Variants in DRC9 observed in about 807,000 individuals in gnomAD.
DRC9 encodes the protein dynein regulatory complex subunit 9.
the DRC9 span, among the ~76,000 whole-genome samples, chr3:197,916,996 A>G: frequency 6.6e-6 from 1 of 152,208 alleles, no homozygotes; most frequent in Non-Finnish European, 1.5e-5. Flanking sequence ...TGCGGGCTAC[A>G]GGTTGGACAA....
the DRC9 span, chr3:197,954,069 C>G: frequency 6.2e-7 from 1 of 1,614,090 alleles, no homozygotes; most frequent in Admixed American, 1.7e-5. Flanking sequence ...TAACTCGGGC[C>G]CATGGAAACA....
chr3:197,954,520 GT>G, the DRC9 span: 2 of 331,436 alleles, frequency 6.0e-6, no homozygotes, highest in Non-Finnish European at 1.2e-5. Flanking sequence ...TTTTTGTTGT[GT>G]TTTTTTGAGA....
At chr3:197,898,150 G>A in the DRC9 span, among the ~76,000 whole-genome samples, 482 of 151,992 alleles carry the variant, frequency 3.2e-3, 5 homozygotes, top group African/African-American at 0.011. Flanking sequence ...CTCCAGTGAC[G>A]GGGCTGTTGT....
the DRC9 span, among the ~76,000 whole-genome samples, chr3:197,946,367 A>G: frequency 4.8e-3 from 721 of 148,904 alleles, 11 homozygotes; most frequent in African/African-American, 0.017. Flanking sequence ...CCTGGGAGGC[A>G]GAGCTTGCAG....
chr3:197,955,521 C>G, the DRC9 span, among the ~76,000 whole-genome samples: 1 of 152,112 alleles, frequency 6.6e-6, no homozygotes, highest in Non-Finnish European at 1.5e-5. Flanking sequence ...CTAGGCCTCC[C>G]AAAGTGATGG....
chr3:197,907,937 T>C, the DRC9 span, among the ~76,000 whole-genome samples: 172 of 148,576 alleles, frequency 1.2e-3, 1 homozygote, highest in Non-Finnish European at 2.0e-3. Context: ...TCCTCCCAGA[T>C]GAAGTTATCA....
chr3:197,899,991 A>G, the DRC9 span, among the ~76,000 whole-genome samples: 2 of 152,226 alleles, frequency 1.3e-5, no homozygotes, highest in East Asian at 3.9e-4. Flanking sequence ...TGAGATGTGC[A>G]TTGAACTCAG....
At chr3:197,919,071 G>A in the DRC9 span, among the ~76,000 whole-genome samples, 1 of 152,168 alleles carries the variant, frequency 6.6e-6, no homozygotes, top group Non-Finnish European at 1.5e-5. Context: ...GCCTCCCAAA[G>A]TGCTGGGATT....
the DRC9 span, chr3:197,912,775 C>G: frequency 1.3e-6 from 2 of 1,579,772 alleles, no homozygotes; most frequent in South Asian, 2.2e-5. Context: ...GATACCAGTA[C>G]GTCTTCCCCG....
chr3:197,952,162 G>GTTTTTTTT, the DRC9 span, among the ~76,000 whole-genome samples: 3 of 83,860 alleles, frequency 3.6e-5, no homozygotes, highest in African/African-American at 1.0e-4. Flanking sequence ...AAAATTATGG[G>GTTTTTTTT]TTTTTTTTTT....
At chr3:197,945,005 G>A in the DRC9 span, among the ~76,000 whole-genome samples, 1 of 152,172 alleles carries the variant, frequency 6.6e-6, no homozygotes, top group Non-Finnish European at 1.5e-5. Flanking sequence ...GTCTCATGAT[G>A]AGTGAAAAAC....
the DRC9 span, chr3:197,932,285 A>G: frequency 8.1e-6 from 13 of 1,611,352 alleles, no homozygotes; most frequent in South Asian, 1.4e-4. Context: ...ATCTGCAATC[A>G]CATCGCTGAA....
the DRC9 span, among the ~76,000 whole-genome samples, chr3:197,930,482 C>T: frequency 6.7e-6 from 1 of 150,228 alleles, no homozygotes; most frequent in East Asian, 2.0e-4. Flanking sequence ...TGATTACAGG[C>T]ATGATCCCAG....
the DRC9 span, chr3:197,955,832 A>G: frequency 7.3e-7 from 1 of 1,373,778 alleles, no homozygotes; most frequent in Non-Finnish European, 1.0e-6. Flanking sequence ...TAAGTGGATT[A>G]AAAAACTTAC....
chr3:197,949,251 A>C, the DRC9 span: 1 of 152,234 alleles, frequency 6.6e-6, no homozygotes. Context: ...GTCATTCATT[A>C]AACTATGTGT....
the DRC9 span, chr3:197,906,495 C>T: frequency 1.4e-5 from 2 of 147,590 alleles, no homozygotes; most frequent in Non-Finnish European, 3.0e-5. Flanking sequence ...AACAAAACAA[C>T]AAAAAAAACT....
chr3:197,951,543 G>A, the DRC9 span: 1 of 503,878 alleles, frequency 2.0e-6, no homozygotes, highest in Non-Finnish European at 3.6e-6. Context: ...AGTAGAGACA[G>A]GGTATTGCCA....
chr3:197,947,016 G>A, the DRC9 span, among the ~76,000 whole-genome samples: 1 of 152,040 alleles, frequency 6.6e-6, no homozygotes, highest in Non-Finnish European at 1.5e-5. Context: ...TCACCATGTT[G>A]GCCAGGCTGG....
the DRC9 span, chr3:197,951,149 T>C: frequency 1.9e-6 from 3 of 1,614,140 alleles, no homozygotes; most frequent in Admixed American, 3.3e-5. Context: ...GTGTATCTTT[T>C]GTGTCTTAGG....
Sources: allele counts gnomAD v4.1 joint callset (sites outside exome capture counted in the v4.1 genomes callset), GRCh38; gene constraint gnomAD v4.1.1; transcripts MANE v1.5; gene names NCBI Gene and HGNC (gene_info 2026-07-23, HGNC 2026-07-21).